CNTNAP5: variants seen among roughly 807,000 people sequenced by gnomAD.
CNTNAP5 encodes the protein contactin associated protein family member 5.
CNTNAP5 carries 72 observed loss-of-function variants against 150.2 expected under a neutral mutation model. The observed-to-expected ratio is 0.48, with a 90% confidence interval of 0.40 to 0.58. The LOEUF (loss-of-function observed/expected upper bound fraction) is 0.58, where lower values mean the gene tolerates loss of function less well. CNTNAP5 is among the 20% of genes least tolerant of loss of function. The pLI is 0.00. For synonymous variants in CNTNAP5, 672 were observed against 619.8 expected, an observed-to-expected ratio of 1.08 and a Z score of -1.25; for missense variants, 1,636 against 1,626.2, an observed-to-expected ratio of 1.01 and a Z score of -0.10.
At chr2:124,795,962 G>A (rs1681836981) in intron 18 of CNTNAP5, among the ~76,000 whole-genome samples, 3 of 152,014 alleles carry the variant, frequency 2.0e-5, no homozygotes, top group Admixed American at 6.6e-5. Flanking sequence ...GAAATCACTT[G>A]CAAGTTAAAT....
At chr2:124,846,830 T>C (rs1211721961) in intron 19 of CNTNAP5, among the ~76,000 whole-genome samples, 1 of 152,112 alleles carries the variant, frequency 6.6e-6, no homozygotes, top group African/African-American at 2.4e-5. Flanking sequence ...ACTGTAGTGG[T>C]TGTTTTTGCT....
intron 6 of CNTNAP5, among the ~76,000 whole-genome samples, chr2:124,462,356 G>C (rs1162281523): frequency 6.6e-6 from 1 of 152,144 alleles, no homozygotes; most frequent in African/African-American, 2.4e-5. Context: ...TAAGATTATT[G>C]TGATTTGTGG....
rs139649081 is a variant in CNTNAP5 at position 124,125,210 on chromosome 2, G to A, written c.83-96495G>A. ...ACATGTAGGCTCAAAATAAAGGGAT[G>A]GAGGAAGATCTACCAAGCAAATGGA... is the stretch of plus-strand genomic sequence containing the variant. On this transcript the variant is annotated intron_variant, in intron 1 of 23. Transcript: ENST00000682447. Among the ~76,000 whole-genome samples, 1,522 of 152,240 alleles carry A rather than the reference G, an allele frequency of 1.0e-2. 24 individuals carry two copies. The highest frequency in any genetic ancestry group is 0.035 in the African/African-American group (1,456 of 41,520).
At chr2:124,147,342 A>G (rs1330943526) in intron 1 of CNTNAP5, among the ~76,000 whole-genome samples, 3 of 152,178 alleles carry the variant, frequency 2.0e-5, no homozygotes, top group South Asian at 4.1e-4. Context: ...ACACAGTGGG[A>G]TTTGAGACAG....
At chr2:124,585,374 C>T (rs1696504538) in intron 11 of CNTNAP5, among the ~76,000 whole-genome samples, 1 of 152,140 alleles carries the variant, frequency 6.6e-6, no homozygotes, top group Non-Finnish European at 1.5e-5. Context: ...TGCATACTAT[C>T]CTGGCAAAAC....
intron 1 of CNTNAP5, among the ~76,000 whole-genome samples, chr2:124,112,275 C>T (rs1367824266): frequency 6.6e-6 from 1 of 152,150 alleles, no homozygotes; most frequent in African/African-American, 2.4e-5. Flanking sequence ...CCTCAGGTTC[C>T]CCCTGAGTTG....
At chr2:124,764,975 G>GT (rs1393802358) in intron 16 of CNTNAP5, among the ~76,000 whole-genome samples, 1 of 151,968 alleles carries the variant, frequency 6.6e-6, no homozygotes, top group African/African-American at 2.4e-5. Context: ...TAAAATTTAA[G>GT]TTTTTTCATA....
chr2:124,206,483 C>A (rs1266331808), intron 1 of CNTNAP5, among the ~76,000 whole-genome samples: 1 of 152,202 alleles, frequency 6.6e-6, no homozygotes, highest in Admixed American at 6.5e-5. Context: ...TTTCCCTCAA[C>A]CACAGTGTTG....
intron 13 of CNTNAP5, among the ~76,000 whole-genome samples, chr2:124,709,980 A>T (rs111745757): frequency 0.022 from 3,291 of 152,154 alleles, 57 homozygotes; most frequent in Middle Eastern, 0.041. Flanking sequence ...AATGTAAAAA[A>T]GTAATTACTT....
At chr2:124,628,874 T>C (rs4848952) in intron 12 of CNTNAP5, among the ~76,000 whole-genome samples, 65,110 of 151,934 alleles carry the variant, frequency 0.43, 15,823 homozygotes, top group Non-Finnish European at 0.56. Context: ...GGAAAATTTA[T>C]CAAGCAAACG....
At chr2:124,741,603 C>T (rs909160738) in intron 13 of CNTNAP5, among the ~76,000 whole-genome samples, 1 of 152,136 alleles carries the variant, frequency 6.6e-6, no homozygotes, top group Non-Finnish European at 1.5e-5. Flanking sequence ...TATATTTTCT[C>T]TGTCTTTGAA....
intron 19 of CNTNAP5, among the ~76,000 whole-genome samples, chr2:124,846,882 T>C (rs1189391703): frequency 3.9e-5 from 6 of 152,142 alleles, no homozygotes; most frequent in Non-Finnish European, 7.3e-5. Context: ...GGGCTCTGCA[T>C]TGGTATTGGA....
At chr2:124,169,641 T>C (rs1252407446) in intron 1 of CNTNAP5, among the ~76,000 whole-genome samples, 1 of 152,226 alleles carries the variant, frequency 6.6e-6, no homozygotes, top group Non-Finnish European at 1.5e-5. Context: ...TGAAGAACCC[T>C]ATCCTGTTGG....
At chr2:124,067,289 A>G (rs2104659870) in intron 1 of CNTNAP5, among the ~76,000 whole-genome samples, 2 of 152,298 alleles carry the variant, frequency 1.3e-5, no homozygotes, top group African/African-American at 4.8e-5. Flanking sequence ...TGGAATCAGT[A>G]CCATGGGTCA....
chr2:124,362,162 T>A (rs761972323), intron 3 of CNTNAP5, among the ~76,000 whole-genome samples: 1 of 152,234 alleles, frequency 6.6e-6, no homozygotes, highest in Non-Finnish European at 1.5e-5. Context: ...CTCGCCCTGC[T>A]TCGGCTGGCG....
chr2:124,730,138 T>A (rs1157827125), intron 13 of CNTNAP5, among the ~76,000 whole-genome samples: 1 of 152,114 alleles, frequency 6.6e-6, no homozygotes, highest in African/African-American at 2.4e-5. Context: ...TGCACCATGT[T>A]ATCTGAAAAA....
chr2:124,533,701 GA>G (rs1248164409), intron 10 of CNTNAP5, among the ~76,000 whole-genome samples: 1 of 152,146 alleles, frequency 6.6e-6, no homozygotes, highest in African/African-American at 2.4e-5. Context: ...TTCTGCCTCT[GA>G]GCTTTCCTGA....
intron 22 of CNTNAP5, among the ~76,000 whole-genome samples, chr2:124,905,081 A>C (rs1678504888): frequency 6.7e-6 from 1 of 148,350 alleles, no homozygotes; most frequent in Non-Finnish European, 1.5e-5. Flanking sequence ...AAAACACTTC[A>C]AAAAATAGGC....
chr2:124,573,853 C>T (rs1696218619), intron 11 of CNTNAP5, among the ~76,000 whole-genome samples: 1 of 152,112 alleles, frequency 6.6e-6, no homozygotes, highest in Non-Finnish European at 1.5e-5. Context: ...TGTTTTTGGT[C>T]TCTAAAATAA....
Sources: allele counts gnomAD v4.1 joint callset (sites outside exome capture counted in the v4.1 genomes callset), GRCh38; gene constraint gnomAD v4.1.1; transcripts MANE v1.5; gene names NCBI Gene and HGNC (gene_info 2026-07-23, HGNC 2026-07-21).